The following GRIP1 variants were observed in gnomAD, a reference collection of about 807,000 sequenced individuals.
GRIP1 encodes glutamate receptor-interacting protein 1.
Under a neutral mutation model 129.9 loss-of-function variants are expected in GRIP1, and 45 were observed. The observed-to-expected ratio is 0.35, with a 90% CI of 0.27 to 0.44. GRIP1 has a LOEUF of 0.44. Among genes scored for constraint, GRIP1 ranks in the 20% least tolerant of loss-of-function variants. GRIP1 has a pLI of 1.00. For synonymous variants in GRIP1, 530 were observed against 520.8 expected, an observed-to-expected ratio of 1.02 and a Z score of -0.24; for missense variants, 1,196 against 1,396.8, an observed-to-expected ratio of 0.86 and a Z score of 2.29.
chr12:66,586,895 T>C (rs577445051), intron 2 of GRIP1, among the ~76,000 whole-genome samples: 33 of 152,308 alleles, frequency 2.2e-4, no homozygotes, highest in Admixed American at 1.5e-3. Flanking sequence ...ATTTTCCATA[T>C]AGCAGTTAGA....
At chr12:66,574,172 A>C (rs2063060750) in intron 2 of GRIP1, among the ~76,000 whole-genome samples, 1 of 152,226 alleles carries the variant, frequency 6.6e-6, no homozygotes. Flanking sequence ...CCTCATCTGC[A>C]GGGCTGGGTC....
chr12:66,794,519 G>A (rs999827987), intron 1 of GRIP1, among the ~76,000 whole-genome samples: 3 of 152,202 alleles, frequency 2.0e-5, no homozygotes, highest in African/African-American at 4.8e-5. Flanking sequence ...TGAAGGCAGT[G>A]TTTGAAGCAA....
intron 7 of GRIP1, among the ~76,000 whole-genome samples, chr12:66,488,717 C>A (rs1305921458): frequency 8.5e-6 from 1 of 118,308 alleles, no homozygotes. Flanking sequence ...TAAAATAGAC[C>A]ACTAGCTAGA....
At chr12:67,066,590 A>G (rs148145820) in intron 1 of GRIP1, among the ~76,000 whole-genome samples, 16 of 152,262 alleles carry the variant, frequency 1.1e-4, no homozygotes, top group African/African-American at 3.9e-4. Flanking sequence ...CCTTTTGGTT[A>G]ATGTTAATCC....
intron 15 of GRIP1, among the ~76,000 whole-genome samples, chr12:66,413,412 C>G (rs1200744363): frequency 6.6e-6 from 1 of 151,768 alleles, no homozygotes; most frequent in African/African-American, 2.4e-5. Context: ...CTAATGAGAA[C>G]AAAGAGACCA....
At chr12:66,356,513 G>A (rs1325012991) in intron 23 of GRIP1, among the ~76,000 whole-genome samples, 1 of 152,046 alleles carries the variant, frequency 6.6e-6, no homozygotes, top group Non-Finnish European at 1.5e-5. Flanking sequence ...CTTTCCTAAG[G>A]AAAGGAAGAG....
chr12:66,829,588 A>C (rs12318172), intron 1 of GRIP1, among the ~76,000 whole-genome samples: 24,569 of 151,996 alleles, frequency 0.16, 2,133 homozygotes, highest in East Asian at 0.37. Context: ...TCCCTCCACT[A>C]CCCACTTGCC....
At chr12:67,054,370 C>T (rs1418577413) in intron 1 of GRIP1, among the ~76,000 whole-genome samples, 2 of 152,146 alleles carry the variant, frequency 1.3e-5, no homozygotes, top group African/African-American at 2.4e-5. Context: ...TTCCTGCTTT[C>T]AAGTGGCTTC....
At chr12:66,535,053 C>T (rs912316019) in intron 4 of GRIP1, among the ~76,000 whole-genome samples, 20 of 152,098 alleles carry the variant, frequency 1.3e-4, no homozygotes, top group African/African-American at 4.8e-4. Flanking sequence ...GTCATCTTCC[C>T]TTCGCGCTGC....
chr12:66,786,802 C>T (rs2038361303), intron 1 of GRIP1, among the ~76,000 whole-genome samples: 1 of 152,140 alleles, frequency 6.6e-6, no homozygotes, highest in Non-Finnish European at 1.5e-5. Flanking sequence ...TATGGGACTG[C>T]AGGGTGGAAA....
chr12:67,065,454 T>C (rs1009786108), intron 1 of GRIP1, among the ~76,000 whole-genome samples: 1 of 152,258 alleles, frequency 6.6e-6, no homozygotes, highest in Non-Finnish European at 1.5e-5. Flanking sequence ...AAAAAATGCA[T>C]GTGTTTTCCC....
chr12:67,041,086 CTAT>C (rs560039322), intron 1 of GRIP1, among the ~76,000 whole-genome samples: 34 of 152,202 alleles, frequency 2.2e-4, no homozygotes, highest in Admixed American at 2.2e-3. Flanking sequence ...CAGGCCTGCC[CTAT>C]TGGATTTTTG....
At chr12:66,726,197 T>C (rs1346373515) in intron 1 of GRIP1, among the ~76,000 whole-genome samples, 1 of 152,198 alleles carries the variant, frequency 6.6e-6, no homozygotes, top group Non-Finnish European at 1.5e-5. Flanking sequence ...ATAGCTGTTT[T>C]ATGATCCATG....
chr12:66,883,975 T>C (rs1222329265), intron 1 of GRIP1, among the ~76,000 whole-genome samples: 1 of 152,258 alleles, frequency 6.6e-6, no homozygotes, highest in African/African-American at 2.4e-5. Flanking sequence ...TTAGCTACTA[T>C]CACTGAATTA....
At chr12:66,378,105 T>TA (rs1053630076) in intron 20 of GRIP1, among the ~76,000 whole-genome samples, 133 of 141,732 alleles carry the variant, frequency 9.4e-4, no homozygotes, top group Middle Eastern at 3.6e-3. Context: ...AGGTATCTTT[T>TA]AAAAAAAAAA....
intron 1 of GRIP1, among the ~76,000 whole-genome samples, chr12:66,764,730 G>A (rs1383081669): frequency 6.6e-6 from 1 of 152,088 alleles, no homozygotes; most frequent in Non-Finnish European, 1.5e-5. Context: ...TTTCCTGTTG[G>A]GATAAAGTGT....
intron 1 of GRIP1, among the ~76,000 whole-genome samples, chr12:67,041,878 G>A (rs2655484): frequency 0.91 from 138,598 of 152,194 alleles, 63,917 homozygotes; most frequent in Non-Finnish European, 0.98. Flanking sequence ...AGTAATGTTA[G>A]CCACATGATT....
At chr12:66,705,184 A>T (rs1458062360) in intron 1 of GRIP1, among the ~76,000 whole-genome samples, 2 of 152,136 alleles carry the variant, frequency 1.3e-5, no homozygotes, top group African/African-American at 4.8e-5. Flanking sequence ...ATTAAGAATA[A>T]CAGCAATGGA....
intron 1 of GRIP1, among the ~76,000 whole-genome samples, chr12:66,826,249 C>T (rs893488331): frequency 6.6e-6 from 1 of 151,956 alleles, no homozygotes; most frequent in African/African-American, 2.4e-5. Context: ...GGGAGTTGAA[C>T]AATGAGAACA....
Sources: gnomAD v4.1 joint callset for allele counts (sites outside exome capture counted in the v4.1 genomes callset) on GRCh38, gnomAD v4.1.1 for gene constraint, MANE v1.5 for transcripts, NCBI Gene and HGNC (gene_info 2026-07-23, HGNC 2026-07-21) for gene names.